RFXANK: variants seen among roughly 807,000 people sequenced by gnomAD.
RFXANK encodes regulatory factor X associated ankyrin containing protein.
Under a neutral mutation model 34.5 loss-of-function variants are expected in RFXANK, and 19 were observed. That is an observed-to-expected ratio of 0.55 (90% CI 0.38 to 0.81). The LOEUF is 0.81. Among genes scored for constraint, RFXANK ranks in the 30% least tolerant of loss-of-function variants. The probability of loss-of-function intolerance (pLI) is 0.00; values close to 1 mark genes in which losing one functional copy is unlikely to be tolerated. For synonymous variants in RFXANK, 154 were observed against 149.8 expected (o/e 1.03, Z -0.20); for missense variants, 295 against 343.5 (o/e 0.86, Z 1.12).
chr19:19,201,185 C>G (rs532932992), intron 9 of RFXANK, among the ~76,000 whole-genome samples: 1 of 152,286 alleles, frequency 6.6e-6, no homozygotes, highest in East Asian at 1.9e-4. Context: ...AGTGATCCAC[C>G]TACCTTGGCC....
chr19:19,199,296 G>C, intron 9 of RFXANK, 62 bp downstream of exon 9: 1 of 1,480,608 alleles, frequency 6.8e-7, no homozygotes, highest in East Asian at 2.3e-5. Context: ...GACCATAAAG[G>C]GGTACATGGG....
chr19:19,193,896 T>C, intron 2 of RFXANK, 43 bp from the exon 3 acceptor site: 2 of 1,603,414 alleles, frequency 1.2e-6, no homozygotes, highest in Non-Finnish European at 1.7e-6. Context: ...ATTATAACTG[T>C]TGATAATTAT....
Position 19,196,561 on chromosome 19 carries a change from CA to C in RFXANK, c.188-388del, listed in dbSNP as rs34326473. On this transcript the variant is annotated intron_variant, in intron 3 of 9. Transcript: ENST00000303088. ...TGGACAACAGAGCAAGACTCTGTCT[CA>C]AAAAAAAAAAAAACCCCAATAGCTG... 8.2e-3 allele frequency among the ~76,000 whole-genome samples: 947 copies of C among 116,152 alleles called. 7 individuals are homozygous for C. The highest frequency in any genetic ancestry group is 0.025 in the Middle Eastern group (4 of 158). The allele number at this position is 116,152 out of a possible 152,430, so 76.2% of individuals were successfully genotyped here. A position where few individuals can be genotyped will look rare whatever the true frequency, so the allele number is the denominator to read the frequency against.
chr19:19,195,337 CAG>C (rs1280786614), intron 3 of RFXANK, among the ~76,000 whole-genome samples: 3 of 143,524 alleles, frequency 2.1e-5, no homozygotes, highest in African/African-American at 7.7e-5. Flanking sequence ...CTTCTTGAGA[CAG>C]AATCTTGCTC....
intron 4 of RFXANK, 24 bp downstream of exon 4, chr19:19,197,070 C>G (rs1254079301): frequency 6.2e-7 from 1 of 1,613,140 alleles, no homozygotes; most frequent in East Asian, 2.2e-5. Flanking sequence ...CGGTCCCCAA[C>G]AAGGAGAGGA....
At chr19:19,199,377 G>C in intron 9 of RFXANK, 143 bp downstream of exon 9, 1 of 836,426 alleles carries the variant, frequency 1.2e-6, no homozygotes, top group South Asian at 1.4e-5. Flanking sequence ...TGTGTATCCC[G>C]CCTGGGAACA....
At chr19:19,197,730 TG>T in intron 6 of RFXANK, 109 bp downstream of exon 6, 1 of 986,506 alleles carries the variant, frequency 1.0e-6, no homozygotes. Flanking sequence ...GGCTGCTGGC[TG>T]GGTGCAGTGG....
At position 19,198,709 on chromosome 19, in the gene RFXANK, T is replaced by G. The variant is rs2060644619; in HGVS notation, c.617T>G (p.Val206Gly). ...GTGCGCGGGAACCACGTGAAATGCGTTGAGGCCTTGCTGGGTGAGTGGGAG... is the reference window on the plus strand; with the variant it reads ...GTGCGCGGGAACCACGTGAAATGCGGTGAGGCCTTGCTGGGTGAGTGGGAG... ...YAVRGNHVKCVEALLARGADL... is the reference protein window; with the variant it reads ...YAVRGNHVKCGEALLARGADL... Residue 206 changes from valine (V) to glycine (G), a missense_variant, in exon 8 of 10, where the codon GTT becomes GGT. Transcript: ENST00000303088. 1 of 1,613,912 alleles carries G rather than the reference T, an allele frequency of 6.2e-7. No homozygotes were observed. Among genetic ancestry groups the G allele is most frequent in the Non-Finnish European group, 8.5e-7 (1 of 1,180,054 alleles).
intron 7 of RFXANK, 25 bp downstream of exon 7, chr19:19,198,257 C>T: frequency 6.2e-7 from 1 of 1,613,894 alleles, no homozygotes; most frequent in Non-Finnish European, 8.5e-7. Flanking sequence ...ATCCCCAGGA[C>T]CTCTCAGCCT....
At chr19:19,200,352 A>G (rs1474335575) in intron 9 of RFXANK, among the ~76,000 whole-genome samples, 5 of 150,854 alleles carry the variant, frequency 3.3e-5, no homozygotes, top group Admixed American at 3.3e-4. Context: ...TAATTTTTAT[A>G]TTTTTAGTAG....
intron 2 of RFXANK, 111 bp from the exon 3 acceptor site, chr19:19,193,828 G>T: frequency 8.3e-7 from 1 of 1,202,370 alleles, no homozygotes; most frequent in Non-Finnish European, 1.2e-6. Context: ...AATTAACCTG[G>T]ACCTCAGTTT....
Position 19,201,679 on chromosome 19 carries a change from A to C in RFXANK, c.743A>C (p.Lys248Thr). 1 of 1,614,138 alleles carries C rather than the reference A, an allele frequency of 6.2e-7. No homozygotes were observed. Among genetic ancestry groups the C allele is most frequent in the South Asian group, 1.1e-5 (1 of 91,092 alleles). Reference protein sequence around the residue: ...VQQVIENHILKLFQSNLVPAD... With the variant: ...VQQVIENHILTLFQSNLVPAD... ...CAGGTGATCGAGAACCACATCCTCAAGCTCTTCCAGAGCAACCTGGTGCCC... is the reference window on the plus strand; with the variant it reads ...CAGGTGATCGAGAACCACATCCTCACGCTCTTCCAGAGCAACCTGGTGCCC... Residue 248 changes from lysine (K) to threonine (T), a missense_variant, in exon 10 of 10, where the codon AAG becomes ACG. Lys to Thr is a moderately conservative substitution (Grantham distance 78). Transcript: ENST00000303088.
intron 2 of RFXANK, among the ~76,000 whole-genome samples, chr19:19,193,383 A>G (rs1297312674): frequency 2.2e-5 from 3 of 138,280 alleles, no homozygotes; most frequent in African/African-American, 5.5e-5. Context: ...CAGACAGCTG[A>G]CCCCAGAGCC....
rs372081950 is a variant in RFXANK, at chr19:19,201,758, A to T, written c.*39A>T. On this transcript the variant is annotated 3_prime_UTR_variant, in exon 10 of 10. Coordinates refer to ENST00000303088, the MANE Select transcript of RFXANK (RefSeq NM_003721.4). The stretch of plus-strand genomic sequence containing the variant: ...GGGACTCAGACACTCAGGGAACAAA[A>T]TGGTCAGCCAGAGCTGGGGAAACCC... 15 of 1,613,492 alleles carry T rather than the reference A, an allele frequency of 9.3e-6. No homozygotes were observed. The highest frequency in any genetic ancestry group is 8.8e-5 in the South Asian group (8 of 91,084).
intron 3 of RFXANK, among the ~76,000 whole-genome samples, chr19:19,195,067 T>G (rs544392257): frequency 7.0e-4 from 105 of 150,140 alleles, no homozygotes; most frequent in African/African-American, 2.4e-3. Flanking sequence ...TTTCTTTTTT[T>G]GAGATGGAGT....
chr19:19,200,539 T>G (rs1021069893), intron 9 of RFXANK, among the ~76,000 whole-genome samples: 3 of 150,662 alleles, frequency 2.0e-5, no homozygotes, highest in African/African-American at 7.3e-5. Flanking sequence ...CTCAAACTCC[T>G]GGGCTCAAGT....
chr19:19,197,463 C>CACTGG (rs1293540157), intron 5 of RFXANK, 58 bp from the exon 6 acceptor site: 1 of 1,545,146 alleles, frequency 6.5e-7, no homozygotes, highest in Non-Finnish European at 8.9e-7. Flanking sequence ...CATTTGGCAG[C>CACTGG]ACTGGGGATA....
chr19:19,192,834 G>A (rs2060510460), intron 1 of RFXANK, 126 bp from the exon 2 acceptor site: 1 of 152,430 alleles, frequency 6.6e-6, no homozygotes, highest in African/African-American at 2.4e-5. Flanking sequence ...AGTCTTAAAG[G>A]GCCAGAGGCA....
At chr19:19,201,094 C>T (rs143838346) in intron 9 of RFXANK, among the ~76,000 whole-genome samples, 51 of 152,246 alleles carry the variant, frequency 3.3e-4, no homozygotes, top group African/African-American at 1.1e-3. Context: ...CCACCACACC[C>T]GGCTGCACCT....
Sources: gnomAD v4.1 joint callset for allele counts (sites outside exome capture counted in the v4.1 genomes callset) on GRCh38, gnomAD v4.1.1 for gene constraint, MANE v1.5 for transcripts, NCBI Gene and HGNC (gene_info 2026-07-23, HGNC 2026-07-21) for gene names.